The following GRIK2 variants were observed in gnomAD, a reference collection of about 807,000 sequenced individuals.
GRIK2 encodes the protein glutamate ionotropic receptor kainate type subunit 2.
A neutral mutation model predicts 100.3 loss-of-function variants in GRIK2; 32 were observed. The observed-to-expected ratio is 0.32, with a 90% CI of 0.24 to 0.43. GRIK2 has a LOEUF of 0.43. Ranked by LOEUF, GRIK2 falls within the 20% of genes least tolerant of loss-of-function variation. The pLI is 1.00. For synonymous variants in GRIK2, 417 were observed against 389.4 expected (o/e 1.07, Z -0.83); for missense variants, 843 against 1,114.9 (o/e 0.76, Z 3.47).
intron 9 of GRIK2, among the ~76,000 whole-genome samples, chr6:101,816,851 G>A (rs1781663707): frequency 6.6e-6 from 1 of 152,064 alleles, no homozygotes; most frequent in Non-Finnish European, 1.5e-5. Flanking sequence ...CTCAACTAAA[G>A]CACCTGCTCT....
In GRIK2 at chr6:101,563,952, G is replaced by A. The variant is rs571661653; in HGVS notation, c.116-57997G>A. The stretch of plus-strand genomic sequence containing the variant: ...AATACAAAAATTTAATAGAAGAGAT[G>A]TAATATTCAATATTTCTATTTTACC... On this transcript the variant is annotated intron_variant, in intron 2 of 16. Coordinates refer to ENST00000369134, the MANE Select transcript of GRIK2 (RefSeq NM_021956.5). Among the ~76,000 whole-genome samples, 6 of 152,090 alleles carry A rather than the reference G, an allele frequency of 3.9e-5. No individual in the cohort carries two copies. In the South Asian group the frequency reaches 1.0e-3, roughly 26 times the overall value.
chr6:101,874,623 G>A lies in GRIK2; in HGVS notation c.1525-15017G>A, dbSNP rs566131131. On this transcript the variant is annotated intron_variant, in intron 11 of 16. Transcript: ENST00000369134. ...ATGAATTTTAAAGTAGTTTTTTCCA[G>A]TTCTGTGAAGAAAGTCATTGGTAGC... is the stretch of plus-strand genomic sequence containing the variant. 2.8e-4 allele frequency among the ~76,000 whole-genome samples: 42 copies of A among 151,916 alleles called. No individual in the cohort carries two copies. In the East Asian group the frequency reaches 3.7e-3, roughly 13 times the overall value.
chr6:101,580,326 A>C (rs962607851), intron 2 of GRIK2, among the ~76,000 whole-genome samples: 9 of 152,090 alleles, frequency 5.9e-5, no homozygotes, highest in Admixed American at 4.6e-4. Context: ...CAACCTCCCA[A>C]CTGTACAGGC....
chr6:101,617,437 T>C (rs538705077), intron 2 of GRIK2, among the ~76,000 whole-genome samples: 2 of 151,980 alleles, frequency 1.3e-5, no homozygotes, highest in East Asian at 1.9e-4. Flanking sequence ...TCTTTATTGA[T>C]GCAGGTCTTC....
rs897524447 is a variant in GRIK2, at chr6:101,503,578, G to T, written c.115+104186G>T. On this transcript the variant is annotated intron_variant, in intron 2 of 16. Transcript: ENST00000369134. ...GACAGGCTTCCAAAAAAGCTATGTT[G>T]CTCTAGTTTTGACATTCTTCTGGAT... Among the ~76,000 whole-genome samples the T allele has an allele frequency of 2.0e-5, 3 of 152,082 alleles. No homozygotes were observed. In the South Asian group the frequency reaches 6.2e-4, roughly 31 times the overall value.
At chr6:101,541,415 C>T (rs1382208986) in intron 2 of GRIK2, among the ~76,000 whole-genome samples, 3 of 101,846 alleles carry the variant, frequency 2.9e-5, no homozygotes, top group Non-Finnish European at 6.7e-5. Context: ...CACACACACA[C>T]ACATACACAC....
chr6:101,857,193 G>C (rs1433546631), intron 10 of GRIK2, among the ~76,000 whole-genome samples: 1 of 152,120 alleles, frequency 6.6e-6, no homozygotes, highest in Non-Finnish European at 1.5e-5. Flanking sequence ...GGGATGTGGA[G>C]GTAAATGAAA....
chr6:101,478,910 G>T (rs911134023), intron 2 of GRIK2, among the ~76,000 whole-genome samples: 4 of 152,024 alleles, frequency 2.6e-5, no homozygotes, highest in Non-Finnish European at 4.4e-5. Flanking sequence ...ATTTGTGGCA[G>T]CATACCCTTA....
chr6:102,050,244 TAGAG>T (rs1453645685), intron 15 of GRIK2, among the ~76,000 whole-genome samples: 4 of 145,244 alleles, frequency 2.8e-5, no homozygotes, highest in Non-Finnish European at 4.5e-5. Flanking sequence ...CCTAGAATGA[TAGAG>T]AGGAAAGAAA....
chr6:101,746,470 G>A (rs1432653609), intron 7 of GRIK2, among the ~76,000 whole-genome samples: 1 of 152,120 alleles, frequency 6.6e-6, no homozygotes, highest in African/African-American at 2.4e-5. Context: ...GGGATAACAG[G>A]CATGTTCCAC....
At chr6:101,727,889 T>C (rs1268269362) in intron 7 of GRIK2, among the ~76,000 whole-genome samples, 1 of 152,078 alleles carries the variant, frequency 6.6e-6, no homozygotes, top group East Asian at 1.9e-4. Context: ...TATGCATATA[T>C]ATTAGCGGTG....
At chr6:101,781,320 C>T (rs1370677987) in intron 7 of GRIK2, among the ~76,000 whole-genome samples, 1 of 152,108 alleles carries the variant, frequency 6.6e-6, no homozygotes, top group South Asian at 2.1e-4. Flanking sequence ...ATGTGGGTTC[C>T]TAACTTGACC....
intron 2 of GRIK2, among the ~76,000 whole-genome samples, chr6:101,421,192 G>T (rs1776395767): frequency 6.6e-6 from 1 of 152,218 alleles, no homozygotes; most frequent in Non-Finnish European, 1.5e-5. Flanking sequence ...TGGCCAAGTA[G>T]ATACTGATCT....
chr6:101,936,762 G>A (rs1790643958), intron 14 of GRIK2, among the ~76,000 whole-genome samples: 1 of 152,150 alleles, frequency 6.6e-6, no homozygotes, highest in Non-Finnish European at 1.5e-5. Context: ...TGGTGAAACA[G>A]CAGATGTGAA....
At chr6:101,949,068 T>C (rs1281981742) in intron 14 of GRIK2, among the ~76,000 whole-genome samples, 1 of 152,196 alleles carries the variant, frequency 6.6e-6, no homozygotes, top group Non-Finnish European at 1.5e-5. Context: ...CATTGATTCA[T>C]AAATTATCAA....
At chr6:101,520,350 C>T (rs1774821474) in intron 2 of GRIK2, among the ~76,000 whole-genome samples, 1 of 150,098 alleles carries the variant, frequency 6.7e-6, no homozygotes, top group African/African-American at 2.4e-5. Context: ...TGAAGTATTA[C>T]ATTATATATT....
intron 7 of GRIK2, among the ~76,000 whole-genome samples, chr6:101,695,666 C>T (rs1482878529): frequency 1.3e-5 from 2 of 152,012 alleles, no homozygotes; most frequent in East Asian, 1.9e-4. Flanking sequence ...TGCTCTTTGA[C>T]TTATGACAGG....
intron 14 of GRIK2, among the ~76,000 whole-genome samples, chr6:101,935,633 A>G (rs1355308898): frequency 6.6e-6 from 1 of 151,918 alleles, no homozygotes; most frequent in African/African-American, 2.4e-5. Flanking sequence ...CTATAGATTT[A>G]TATTGAATTG....
chr6:101,555,898 T>G (rs1021112339), intron 2 of GRIK2, among the ~76,000 whole-genome samples: 3 of 152,106 alleles, frequency 2.0e-5, no homozygotes, highest in Admixed American at 2.0e-4. Flanking sequence ...ACAAGGACAC[T>G]GTGTATTAAT....
Sources: allele counts gnomAD v4.1 joint callset (sites outside exome capture counted in the v4.1 genomes callset), GRCh38; gene constraint gnomAD v4.1.1; transcripts MANE v1.5; gene names NCBI Gene and HGNC (gene_info 2026-07-23, HGNC 2026-07-21).